The following SEC14L1 variants were observed in gnomAD, a reference collection of about 807,000 sequenced individuals.
SEC14L1 encodes the protein SEC14 like lipid binding 1.
SEC14L1 carries 48 observed loss-of-function variants against 85.3 expected under a neutral mutation model. That is an observed-to-expected ratio of 0.56 (90% CI 0.45 to 0.72). The LOEUF is 0.72. SEC14L1 is among the 30% of genes least tolerant of loss of function. SEC14L1 has a pLI of 0.00. For synonymous variants in SEC14L1, 391 were observed against 355.5 expected (o/e 1.10, Z -1.12); for missense variants, 682 against 921.4 (o/e 0.74, Z 3.36).
chr17:77,199,544 G>A (rs1280715468), intron 8 of SEC14L1: 1 of 154,122 alleles, frequency 6.5e-6, no homozygotes, highest in Admixed American at 6.5e-5. Flanking sequence ...CATCATCCAT[G>A]TTTAATTCTC....
Position 77,184,177 on chromosome 17 carries a change from C to A in SEC14L1, c.64-6626C>A, listed in dbSNP as rs909787904. ...TTGTGTCTGCTTCCGCTGCATCACG[C>A]CAGGCTCTGTGGCTGTCCTGTTGCT... On this transcript the variant is annotated intron_variant, in intron 3 of 16. Coordinates refer to ENST00000436233, the MANE Select transcript of SEC14L1 (RefSeq NM_001143998.2). Among the ~76,000 whole-genome samples the A allele has an allele frequency of 4.6e-5, 7 of 152,196 alleles. 1 individual carries two copies. Among genetic ancestry groups the A allele is most frequent in the Admixed American group, 4.6e-4 (7 of 15,286 alleles).
At chr17:77,195,370 G>A (rs777914931) in intron 7 of SEC14L1, among the ~76,000 whole-genome samples, 4 of 151,840 alleles carry the variant, frequency 2.6e-5, no homozygotes, top group Non-Finnish European at 5.9e-5. Context: ...CCAGGCTGGA[G>A]TGCAGTGGTG....
At chr17:77,185,026 G>A (rs1157787702) in intron 3 of SEC14L1, among the ~76,000 whole-genome samples, 1 of 152,178 alleles carries the variant, frequency 6.6e-6, no homozygotes, top group Non-Finnish European at 1.5e-5. Flanking sequence ...AGAATCTACT[G>A]ACCTTAACAT....
chr17:77,106,154 G>A (rs763534931), intron 3 of SEC14L1, among the ~76,000 whole-genome samples: 1 of 152,176 alleles, frequency 6.6e-6, no homozygotes, highest in Non-Finnish European at 1.5e-5. Context: ...AGCACTTGGG[G>A]AAGCCGAGGT....
chr17:77,104,120 CT>C (rs1182648184), intron 3 of SEC14L1, among the ~76,000 whole-genome samples: 4,236 of 134,820 alleles, frequency 0.031, 137 homozygotes, highest in African/African-American at 0.11. Context: ...TTTGTATTTA[CT>C]TTTTTTTTTT....
chr17:77,162,829 T>C (rs1974124765), intron 3 of SEC14L1, among the ~76,000 whole-genome samples: 1 of 61,644 alleles, frequency 1.6e-5, no homozygotes, highest in Non-Finnish European at 3.6e-5. Context: ...AAACTCTGTC[T>C]CAAAAAAAAA....
chr17:77,133,921 A>ATG (rs1972695863), intron 3 of SEC14L1, among the ~76,000 whole-genome samples: 4 of 135,384 alleles, frequency 3.0e-5, no homozygotes, highest in African/African-American at 1.1e-4. Context: ...CCTGGGCAAC[A>ATG]GAGTGAGACT....
intron 3 of SEC14L1, among the ~76,000 whole-genome samples, chr17:77,151,300 ATTGCAT>A (rs746487532): frequency 8.5e-5 from 13 of 152,124 alleles, no homozygotes; most frequent in Non-Finnish European, 1.6e-4. Flanking sequence ...CGTGAGTCCT[ATTGCAT>A]TTCATCAAAG....
At chr17:77,186,140 T>C (rs1878725) in intron 3 of SEC14L1, among the ~76,000 whole-genome samples, 150,700 of 152,280 alleles carry the variant, frequency 0.99, 74,591 homozygotes, top group East Asian at 1. Flanking sequence ...CACCTGTTCG[T>C]GCTCCCTCCA....
intron 14 of SEC14L1, chr17:77,211,242 C>G (rs1976736595): frequency 6.6e-6 from 1 of 152,498 alleles, no homozygotes; most frequent in Non-Finnish European, 1.5e-5. Context: ...TCTGCTGCTT[C>G]CTTAGGTGGA....
chr17:77,095,277 G>C (rs886294734), intron 3 of SEC14L1, among the ~76,000 whole-genome samples: 1 of 152,208 alleles, frequency 6.6e-6, no homozygotes, highest in African/African-American at 2.4e-5. Context: ...GAGAGTGCCT[G>C]AGTCTCCAAG....
intron 8 of SEC14L1, among the ~76,000 whole-genome samples, chr17:77,198,675 C>A (rs952354925): frequency 6.6e-6 from 1 of 150,994 alleles, no homozygotes; most frequent in Non-Finnish European, 1.5e-5. Context: ...CCTGGGTTCA[C>A]GCCATTCTTC....
rs1447114525 is a variant in SEC14L1, at chr17:77,104,325, T to TG, written c.-136+10978_-136+10979insG. Among the ~76,000 whole-genome samples, 17 of 149,234 alleles carry TG rather than the reference T, an allele frequency of 1.1e-4. No homozygotes were observed. In the East Asian group the frequency reaches 3.0e-3, roughly 26 times the overall value. On this transcript the variant is annotated intron_variant, in intron 3 of 19. Coordinates refer to the SEC14L1 transcript ENST00000392476. Reference sequence around the variant, plus strand: ...TTTTAGTAGAGACGGGATTTCACCATTTGGCCAGAATGGTCTCAATCTCCT... The same window carrying TG: ...TTTTAGTAGAGACGGGATTTCACCATGTTGGCCAGAATGGTCTCAATCTCCT...
Position 77,100,018 on chromosome 17 carries a change from A to G in SEC14L1, c.-136+6671A>G, listed in dbSNP as rs923626321. On this transcript the variant is annotated intron_variant, in intron 3 of 19. Coordinates refer to the SEC14L1 transcript ENST00000392476. ...ATTAGTTCAAAAAATTCATAGAACT[A>G]AAAGGCTTCTAACACTAGGCTAAGC... is the stretch of plus-strand genomic sequence containing the variant. Among the ~76,000 whole-genome samples, 3 of 152,372 alleles carry G rather than the reference A, an allele frequency of 2.0e-5. No individual in the cohort carries two copies. The South Asian group carries it at 6.2e-4, about 32-fold the overall frequency.
intron 3 of SEC14L1, among the ~76,000 whole-genome samples, chr17:77,169,007 CTTTTTTTTTTTTTTTT>C (rs71160208): frequency 1.3e-5 from 1 of 77,832 alleles, no homozygotes; most frequent in Non-Finnish European, 2.4e-5. Context: ...TGAGGAGCAT[CTTTTTTTTTTTTTTTT>C]TTTTTTTTTT....
chr17:77,200,692 A>T lies in SEC14L1; in HGVS notation c.1009+19A>T. 1 of 1,601,404 alleles carries T rather than the reference A, an allele frequency of 6.2e-7. No individual in the cohort carries two copies. Among genetic ancestry groups the T allele is most frequent in the East Asian group, 2.2e-5 (1 of 44,586 alleles). On this transcript the variant is annotated intron_variant, in intron 9 of 16. Transcript: ENST00000436233. Reference sequence around the variant, plus strand: ...GACAAAGGTACCGGATGGAGTTGAAACTGTGTTTCCATCGTTGTCTTGATG... The same window carrying T: ...GACAAAGGTACCGGATGGAGTTGAATCTGTGTTTCCATCGTTGTCTTGATG...
intron 5 of SEC14L1, among the ~76,000 whole-genome samples, chr17:77,192,626 C>G (rs1975601822): frequency 6.6e-6 from 1 of 152,022 alleles, no homozygotes; most frequent in Admixed American, 6.6e-5. Context: ...CCCCAGCCAC[C>G]CATTTAATTC....
At chr17:77,133,678 C>A (rs1451882901) in intron 3 of SEC14L1, among the ~76,000 whole-genome samples, 1 of 152,096 alleles carries the variant, frequency 6.6e-6, no homozygotes, top group East Asian at 1.9e-4. Context: ...GTGGCTCACC[C>A]CTGTAATCCC....
Position 77,213,658 on chromosome 17 carries a change from C to A in SEC14L1, c.2042+166C>A. On this transcript the variant is annotated intron_variant, in intron 16 of 16. Transcript: ENST00000436233. This position sits in a 1 kb window ranked among gnomAD's most constrained non-coding sequence, Gnocchi z 7.1. ...GGTCATTTGTTGGCACGGTGACTCC[C>A]TGCCTGTCTGCAGAGGGAGAGTGTC... 1 of 890,436 alleles carries A rather than the reference C, an allele frequency of 1.1e-6. No homozygotes were observed. The highest frequency in any genetic ancestry group is 1.8e-6 in the Non-Finnish European group (1 of 557,080). 55.2% of individuals were successfully genotyped at this position (890,436 alleles called of 1,614,324 possible). A position where few individuals can be genotyped will look rare whatever the true frequency, so the allele number is the denominator to read the frequency against.
Sources: allele counts gnomAD v4.1 joint callset (sites outside exome capture counted in the v4.1 genomes callset), GRCh38; gene constraint gnomAD v4.1.1; non-coding constraint Gnocchi (gnomAD v3.1); transcripts MANE v1.5; gene names NCBI Gene and HGNC (gene_info 2026-07-23, HGNC 2026-07-21).